The following EXPH5 variants were observed in gnomAD, a reference collection of about 807,000 sequenced individuals.
The protein encoded by EXPH5 is exophilin 5.
Under a neutral mutation model 41.1 loss-of-function variants are expected in EXPH5, and 42 were observed. That is an observed-to-expected ratio of 1.02 (90% CI 0.80 to 1.32). EXPH5 has a LOEUF of 1.32. EXPH5 is among the 40% of genes most tolerant of loss of function. The pLI, the probability that EXPH5 is intolerant of heterozygous loss-of-function variation, is 0.00. For missense variants in EXPH5, 2,298 were observed against 2,314.5 expected, an observed-to-expected ratio of 0.99 and a Z score of 0.15; for synonymous variants, 798 against 833.5, an observed-to-expected ratio of 0.96 and a Z score of 0.73.
At position 108,512,895 on chromosome 11, in the gene EXPH5, T is replaced by C. The variant is rs762402214; in HGVS notation, c.2612A>G (p.Lys871Arg). The part of the protein sequence containing the change: ...YSKCKLTPGH[K>R]TSCDSLDLSS... ...CAGATCTAAAGAATCACACGAGGTC[T>C]TGTGGCCAGGAGTTAACTTGCATTT... is the stretch of plus-strand genomic sequence containing the variant. The change falls in exon 6 of 6, where the codon AAG becomes AGG. Residue 871 changes from lysine to arginine, a missense_variant. Transcript: ENST00000265843. 1.3e-5 allele frequency: 21 copies of C among 1,613,872 alleles called. No homozygotes were observed. Among genetic ancestry groups the C allele is most frequent in the Non-Finnish European group, 1.8e-5 (21 of 1,179,956 alleles).
At position 108,505,447 on chromosome 11, in the gene EXPH5, A is replaced by C. The variant is rs1304564530; in HGVS notation, c.*4090T>G. 1 of 152,232 alleles carries C rather than the reference A, an allele frequency of 6.6e-6. No homozygotes were observed. The highest frequency in any genetic ancestry group is 2.4e-5 in the African/African-American group (1 of 41,452). 9.4% of individuals were successfully genotyped at this position (152,232 alleles called of 1,614,324 possible). A position where few individuals can be genotyped will look rare whatever the true frequency, so the allele number is the denominator to read the frequency against. Reference sequence around the variant, plus strand: ...ATCAAATAGTGCATCTGTTTAAGTCATTTATTTCAATACAGGCATTGTTTT... The same window carrying C: ...ATCAAATAGTGCATCTGTTTAAGTCCTTTATTTCAATACAGGCATTGTTTT... On this transcript the variant is annotated 3_prime_UTR_variant, in exon 6 of 6. Coordinates refer to ENST00000265843, the MANE Select transcript of EXPH5 (RefSeq NM_015065.3).
chr11:108,562,925 G>C (rs2094019283), intron 1 of EXPH5, among the ~76,000 whole-genome samples: 1 of 152,238 alleles, frequency 6.6e-6, no homozygotes, highest in Non-Finnish European at 1.5e-5. Context: ...ACAGGACTAG[G>C]ACTCTGACTC....
intron 1 of EXPH5, among the ~76,000 whole-genome samples, chr11:108,544,712 T>C (rs949892935): frequency 6.6e-6 from 1 of 152,136 alleles, no homozygotes; most frequent in South Asian, 2.1e-4. Flanking sequence ...TAACAATAAT[T>C]ATGTAGACAA....
the EXPH5 span, among the ~76,000 whole-genome samples, chr11:108,604,227 CAAA>C: frequency 3.6e-5 from 4 of 109,748 alleles, no homozygotes; most frequent in African/African-American, 1.1e-4. Flanking sequence ...CCCATCTCTA[CAAA>C]AAAAAAAAAA....
chr11:108,540,792 C>A (rs2093908487), intron 2 of EXPH5, among the ~76,000 whole-genome samples: 1 of 152,072 alleles, frequency 6.6e-6, no homozygotes. Context: ...TCCCTCCCTT[C>A]TCCTCTGATC....
chr11:108,579,682 G>A (rs1280919641), intron 1 of EXPH5, among the ~76,000 whole-genome samples: 1 of 152,112 alleles, frequency 6.6e-6, no homozygotes, highest in East Asian at 1.9e-4. Flanking sequence ...ATTGTAGTAG[G>A]CAAATTGTGA....
At chr11:108,580,311 A>T (rs1312461338) in intron 1 of EXPH5, among the ~76,000 whole-genome samples, 2 of 152,248 alleles carry the variant, frequency 1.3e-5, no homozygotes, top group Admixed American at 6.5e-5. Context: ...GATGCTCAAC[A>T]TCACTAATCA....
upstream of EXPH5, among the ~76,000 whole-genome samples, chr11:108,595,545 C>T (rs1591767672): frequency 6.6e-6 from 1 of 152,172 alleles, no homozygotes; most frequent in Non-Finnish European, 1.5e-5. Context: ...AGCTAGAAAA[C>T]ACTGGAGCAT....
intron 3 of EXPH5, chr11:108,537,973 A>C (rs1402964927): frequency 1.0e-6 from 1 of 985,304 alleles, no homozygotes; most frequent in African/African-American, 1.7e-5. Flanking sequence ...CTATTTGAAG[A>C]GTATTTCCTT....
At chr11:108,533,950 A>T (rs1457484476) in intron 3 of EXPH5, among the ~76,000 whole-genome samples, 1 of 152,146 alleles carries the variant, frequency 6.6e-6, no homozygotes, top group Non-Finnish European at 1.5e-5. Flanking sequence ...GTGTACCACC[A>T]TGCCTGGCTA....
intron 1 of EXPH5, among the ~76,000 whole-genome samples, chr11:108,546,535 A>C (rs921426816): frequency 6.6e-6 from 1 of 152,198 alleles, no homozygotes; most frequent in African/African-American, 2.4e-5. Flanking sequence ...TCTGATTTAC[A>C]TAAGTGCCTA....
At chr11:108,531,382 C>T (rs1019233969) in intron 3 of EXPH5, among the ~76,000 whole-genome samples, 5 of 152,152 alleles carry the variant, frequency 3.3e-5, no homozygotes, top group African/African-American at 9.7e-5. Flanking sequence ...GTGTTTGAGA[C>T]CAGCCTGGCC....
intron 1 of EXPH5, among the ~76,000 whole-genome samples, chr11:108,547,168 A>T (rs921328448): frequency 5.9e-5 from 9 of 151,914 alleles, no homozygotes; most frequent in African/African-American, 2.2e-4. Context: ...AAAGAGTCAA[A>T]ACATTTTTGT....
Position 108,512,172 on chromosome 11 carries a change from T to C in EXPH5, c.3335A>G (p.Lys1112Arg). The change falls in exon 6 of 6, where the codon AAA (lysine) becomes AGA (arginine). Residue 1112 changes from lysine (K) to arginine (R), a missense_variant. Coordinates refer to ENST00000265843, the MANE Select transcript of EXPH5 (RefSeq NM_015065.3). The part of the protein sequence containing the change: ...VKSSGSTSVR[K>R]GPLPFLINRA... ...GTTGATGAGGAATGGAAGTGGTCCTTTTCTAACGGAAGTAGATCCACTGCT... is the reference window on the plus strand; with the variant it reads ...GTTGATGAGGAATGGAAGTGGTCCTCTTCTAACGGAAGTAGATCCACTGCT... 6.2e-7 allele frequency: 1 copy of C among 1,612,096 alleles called. No individual in the cohort carries two copies. The highest frequency in any genetic ancestry group is 8.5e-7 in the Non-Finnish European group (1 of 1,179,168).
chr11:108,532,417 G>A (rs1171776089), intron 3 of EXPH5, among the ~76,000 whole-genome samples: 2 of 113,066 alleles, frequency 1.8e-5, no homozygotes, highest in South Asian at 3.1e-4. Flanking sequence ...GTTTCACTAC[G>A]TTGGCCAGGC....
At chr11:108,548,258 G>A (rs961441944) in intron 1 of EXPH5, among the ~76,000 whole-genome samples, 3 of 145,226 alleles carry the variant, frequency 2.1e-5, no homozygotes, top group Non-Finnish European at 4.5e-5. Context: ...TTATCTTATT[G>A]TGATGAGATT....
At chr11:108,568,241 T>C (rs1010085174) in intron 1 of EXPH5, 2 of 151,346 alleles carry the variant, frequency 1.3e-5, no homozygotes, top group African/African-American at 4.9e-5. Context: ...ATAGGAGAGA[T>C]AAAGCTCCTG....
At chr11:108,539,289 G>C in intron 2 of EXPH5, 103 bp from the exon 3 acceptor site, 2 of 857,380 alleles carry the variant, frequency 2.3e-6, no homozygotes, top group Non-Finnish European at 3.5e-6. Flanking sequence ...CTCTTATGCA[G>C]ACTAGAAACA....
Position 108,539,056 on chromosome 11 carries a change from C to T in EXPH5, c.411G>A (p.Glu137=), listed in dbSNP as rs1458282903. 1.2e-6 allele frequency: 2 copies of T among 1,605,408 alleles called. No homozygotes were observed. Among genetic ancestry groups the T allele is most frequent in the Non-Finnish European group, 1.7e-6 (2 of 1,175,278 alleles). ...GTCCCAGTGATGGAAGCTTTGAAGT[C>T]TCCTTTCCAGATTTCCTGAATGAGA... ...SLFSFRKSGK[E]TSKLPSLGQK... The change falls in exon 3 of 6, where the codon GAG becomes GAA. Residue 137 remains glutamate, a synonymous_variant. Coordinates refer to ENST00000265843, the MANE Select transcript of EXPH5 (RefSeq NM_015065.3).
Sources: allele counts gnomAD v4.1 joint callset (sites outside exome capture counted in the v4.1 genomes callset), GRCh38; gene constraint gnomAD v4.1.1; transcripts MANE v1.5; gene names NCBI Gene and HGNC (gene_info 2026-07-23, HGNC 2026-07-21).